The following EXOC8 variants were observed in gnomAD, a reference collection of about 807,000 sequenced individuals.
The protein encoded by EXOC8 is exocyst complex component 8, also known as exocyst complex 84 kDa subunit.
A neutral mutation model predicts 50.8 loss-of-function variants in EXOC8; 19 were observed. The ratio of observed to expected loss-of-function variants is 0.37; its 90% CI spans 0.26 to 0.55. EXOC8 has a LOEUF of 0.55. Ranked by LOEUF, EXOC8 falls within the 20% of genes least tolerant of loss-of-function variation. The pLI, the probability that EXOC8 is intolerant of heterozygous loss-of-function variation, is 0.80. For missense variants in EXOC8, 781 were observed against 915.8 expected (o/e 0.85, Z 1.90); for synonymous variants, 384 against 367.9 (o/e 1.04, Z -0.50).
At position 231,337,180 on chromosome 1, in the gene EXOC8, AG is replaced by A; in HGVS notation, c.565del (p.Leu189Ter). ...CATGTGGTCCGCATCGTATTCCACTAGGTCCCCATTGTACACCAAGTACTGT... is the reference window on the plus strand; with the variant it reads ...CATGTGGTCCGCATCGTATTCCACTAGTCCCCATTGTACACCAAGTACTGT... Reference protein sequence around the residue: ...PGQYLVYNGDLVEYDADHMAQ... With the variant: ...PGQYLVYNGDXVEYDADHMAQ... On this transcript the variant is annotated frameshift_variant, in exon 1 of 1. Transcript: ENST00000366645. LOFTEE classifies it high-confidence loss of function. This position sits in a 1 kb window ranked among gnomAD's most constrained non-coding sequence, Gnocchi z 5.9. 1 of 1,614,106 alleles carries A rather than the reference AG, an allele frequency of 6.2e-7. No homozygotes were observed. The highest frequency in any genetic ancestry group is 8.5e-7 in the Non-Finnish European group (1 of 1,180,032).
chr1:231,333,215 A>G lies in EXOC8; in HGVS notation c.*2353T>C, dbSNP rs570017627. On this transcript the variant is annotated 3_prime_UTR_variant, in exon 1 of 1. Transcript: ENST00000366645. ...TTGGGTCTAATAAAACAGAAGAATT[A>G]GAGAAGAAAGCCCATGCCACTTTGA... 6.6e-6 allele frequency: 1 copy of G among 152,370 alleles called. No homozygotes were observed. Among genetic ancestry groups the G allele is most frequent in the South Asian group, 2.1e-4 (1 of 4,834 alleles). The allele number at this position is 152,370 out of a possible 1,614,324, so 9.4% of individuals were successfully genotyped here.
In EXOC8 at chr1:231,333,107, G is replaced by T. The variant is rs1686598423; in HGVS notation, c.*2461C>A. The T allele has an allele frequency of 2.6e-5, 4 of 152,124 alleles. No individual in the cohort carries two copies. Among genetic ancestry groups the T allele is most frequent in the Admixed American group, 6.6e-5 (1 of 15,264 alleles). 9.4% of individuals were successfully genotyped at this position (152,124 alleles called of 1,614,324 possible). ...ATATTCTTGAAGCAAACAAGAAAAG[G>T]CAATCAATGCTTAAGTGGTATATTT... On this transcript the variant is annotated 3_prime_UTR_variant, in exon 1 of 1. Transcript: ENST00000366645.
At position 231,334,561 on chromosome 1, in the gene EXOC8, T is replaced by C. The variant is rs984960693; in HGVS notation, c.*1007A>G. The C allele has an allele frequency of 3.9e-5, 6 of 152,212 alleles. No homozygotes were observed. Among genetic ancestry groups the C allele is most frequent in the African/African-American group, 1.4e-4 (6 of 41,450 alleles). 9.4% of individuals were successfully genotyped at this position (152,212 alleles called of 1,614,324 possible). ...TTTAAAATGTGACAAAGACAAAAGC[T>C]ACAGCTGGAAACTCACACAATTTAG... On this transcript the variant is annotated 3_prime_UTR_variant, in exon 1 of 1. Transcript: ENST00000366645.
In EXOC8 at chr1:231,337,802, G is replaced by A; in HGVS notation, c.-57C>T. On this transcript the variant is annotated 5_prime_UTR_variant, in exon 1 of 1. Transcript: ENST00000366645. The surrounding 1 kb of genome is among the most constrained non-coding windows in gnomAD (Gnocchi z 5.9). Reference sequence around the variant, plus strand: ...TATCGGCGCCGCAGCCGCCGCGGCTGTCTAGACCCACCCAAGGCCAACCGA... The same window carrying A: ...TATCGGCGCCGCAGCCGCCGCGGCTATCTAGACCCACCCAAGGCCAACCGA... The A allele has an allele frequency of 1.3e-6, 2 of 1,528,872 alleles. No homozygotes were observed. The highest frequency in any genetic ancestry group is 1.8e-6 in the Non-Finnish European group (2 of 1,140,408). 94.7% of individuals were successfully genotyped at this position (1,528,872 alleles called of 1,614,324 possible). A position where few individuals can be genotyped will look rare whatever the true frequency, so the allele number is the denominator to read the frequency against.
chr1:231,336,332 T>C lies in EXOC8; in HGVS notation c.1414A>G (p.Arg472Gly), dbSNP rs1380804039. 5 of 1,613,940 alleles carry C rather than the reference T, an allele frequency of 3.1e-6. No homozygotes were observed. The highest frequency in any genetic ancestry group is 3.4e-6 in the Non-Finnish European group (4 of 1,180,000). ...CCTGCAAAATCGATCTCAAATTCTC[T>C]TGCAGTCTCGAGAAGGCTGGTAAAG... The part of the protein sequence containing the change: ...VFFTSLLETA[R>G]EFEIDFAGTD... The change falls in exon 1 of 1, where the codon AGA becomes GGA. Residue 472 changes from arginine (R) to glycine (G), a missense_variant. Around this residue, in one of 3 missense-constraint regions of EXOC8, gnomAD observed 700 missense variants for 804.1 expected, o/e 0.87. Transcript: ENST00000366645. This position sits in a 1 kb window ranked among gnomAD's most constrained non-coding sequence, Gnocchi z 5.4.
At position 231,335,137 on chromosome 1, in the gene EXOC8, G is replaced by A. The variant is rs993244325; in HGVS notation, c.*431C>T. ...TGCCTGTGGTTCCTGCTACATGGGA[G>A]GCTGAGGTGGGAGGACTACCTGGGC... On this transcript the variant is annotated 3_prime_UTR_variant, in exon 1 of 1. Transcript: ENST00000366645. 6.6e-6 allele frequency: 1 copy of A among 152,548 alleles called. No homozygotes were observed. Among genetic ancestry groups the A allele is most frequent in the Non-Finnish European group, 1.5e-5 (1 of 68,442 alleles). The allele number at this position is 152,548 out of a possible 1,614,324, so 9.4% of individuals were successfully genotyped here.
Position 231,336,939 on chromosome 1 carries a change from G to A in EXOC8, c.807C>T (p.Ile269=). Residue 269 remains isoleucine, a synonymous_variant, in exon 1 of 1, where the codon ATC becomes ATT. Coordinates refer to ENST00000366645, the MANE Select transcript of EXOC8 (RefSeq NM_175876.5). The surrounding 1 kb of genome is among the most constrained non-coding windows in gnomAD (Gnocchi z 5.4). ...SRIFQAENAK[I]KREWLEVLED... is the part of the protein sequence containing the mutation. Reference sequence around the variant, plus strand: ...CCAGCACTTCCAGCCACTCTCGTTTGATTTTAGCATTTTCGGCCTGGAAAA... The same window carrying A: ...CCAGCACTTCCAGCCACTCTCGTTTAATTTTAGCATTTTCGGCCTGGAAAA... The A allele has an allele frequency of 1.2e-6, 2 of 1,614,166 alleles. No homozygotes were observed. Among genetic ancestry groups the A allele is most frequent in the Non-Finnish European group, 1.7e-6 (2 of 1,180,034 alleles).
At position 231,337,044 on chromosome 1, in the gene EXOC8, A is replaced by T; in HGVS notation, c.702T>A (p.Asp234Glu). ...MYRYNALYSL[D>E]GLAVVNVKDN... ...CCTTGACATTGACTACGGCCAAACCATCTAGGGAATAGAGAGCGTTGTAGC... is the reference window on the plus strand; with the variant it reads ...CCTTGACATTGACTACGGCCAAACCTTCTAGGGAATAGAGAGCGTTGTAGC... Residue 234 changes from aspartate (D) to glutamate (E), a missense_variant, in exon 1 of 1, where the codon GAT becomes GAA. Physicochemically the swap from Asp to Glu is conservative, Grantham distance 45. This residue lies in a region of EXOC8 where 700 missense variants were observed against 804.1 expected (regional missense o/e 0.87). Coordinates refer to ENST00000366645, the MANE Select transcript of EXOC8 (RefSeq NM_175876.5). This position sits in a 1 kb window ranked among gnomAD's most constrained non-coding sequence, Gnocchi z 5.9. 7 of 1,614,064 alleles carry T rather than the reference A, an allele frequency of 4.3e-6. No individual in the cohort carries two copies. Among genetic ancestry groups the T allele is most frequent in the Non-Finnish European group, 5.9e-6 (7 of 1,180,028 alleles).
chr1:231,333,440 T>C lies in EXOC8; in HGVS notation c.*2128A>G, dbSNP rs1326443105. On this transcript the variant is annotated 3_prime_UTR_variant, in exon 1 of 1. Transcript: ENST00000366645. ...AGACAATTCTATGAAGAAGCAACCA[T>C]TTAAATATCTAACTATACACATTCA... 6.6e-6 allele frequency: 1 copy of C among 152,630 alleles called. No homozygotes were observed. The highest frequency in any genetic ancestry group is 2.4e-5 in the African/African-American group (1 of 41,458). The allele number at this position is 152,630 out of a possible 1,614,324, so 9.5% of individuals were successfully genotyped here.
rs1480657999 is a variant in EXOC8 at position 231,336,950 on chromosome 1, T to G, written c.796A>C (p.Asn266His). 2.5e-6 allele frequency: 4 copies of G among 1,614,044 alleles called. No homozygotes were observed. The highest frequency in any genetic ancestry group is 3.4e-6 in the Non-Finnish European group (4 of 1,180,040). Reference protein sequence around the residue: ...FPESRIFQAENAKIKREWLEV... With the variant: ...FPESRIFQAEHAKIKREWLEV... ...AGCCACTCTCGTTTGATTTTAGCAT[T>G]TTCGGCCTGGAAAATACGGCTCTCG... Residue 266 changes from asparagine to histidine, a missense_variant, in exon 1 of 1, where the codon AAT becomes CAT. Coordinates refer to ENST00000366645, the MANE Select transcript of EXOC8 (RefSeq NM_175876.5). The surrounding 1 kb of genome is among the most constrained non-coding windows in gnomAD (Gnocchi z 5.4).
rs952646009 is a variant in EXOC8 at position 231,333,055 on chromosome 1, T to C, written c.*2513A>G. 6.6e-6 allele frequency: 1 copy of C among 152,228 alleles called. No homozygotes were observed. Among genetic ancestry groups the C allele is most frequent in the African/African-American group, 2.4e-5 (1 of 41,462 alleles). The allele number at this position is 152,228 out of a possible 1,614,324, so 9.4% of individuals were successfully genotyped here. On this transcript the variant is annotated 3_prime_UTR_variant, in exon 1 of 1. Coordinates refer to ENST00000366645, the MANE Select transcript of EXOC8 (RefSeq NM_175876.5). Reference sequence around the variant, plus strand: ...AGAGTAATTAATTCAATCAAGCCCATGATTCCAAGCTCAAGTAACAAGTTT... The same window carrying C: ...AGAGTAATTAATTCAATCAAGCCCACGATTCCAAGCTCAAGTAACAAGTTT...
chr1:231,336,843 T>A lies in EXOC8; in HGVS notation c.903A>T (p.Pro301=). Residue 301 remains proline, a synonymous_variant, in exon 1 of 1, where the codon CCA becomes CCT. Coordinates refer to ENST00000366645, the MANE Select transcript of EXOC8 (RefSeq NM_175876.5). This position sits in a 1 kb window ranked among gnomAD's most constrained non-coding sequence, Gnocchi z 5.4. ...EQEEAAAPRG[P]PQVTSKATNP... is the part of the protein sequence containing the mutation. ...TAGTGGCCTTGGAAGTCACTTGGGG[T>A]GGCCCTCGAGGGGCCGCTGCCTCCT... 1 of 1,614,198 alleles carries A rather than the reference T, an allele frequency of 6.2e-7. No individual in the cohort carries two copies. The highest frequency in any genetic ancestry group is 8.5e-7 in the Non-Finnish European group (1 of 1,180,044).
In EXOC8 at chr1:231,334,710, A is replaced by T. The variant is rs1686627320; in HGVS notation, c.*858T>A. 6.6e-6 allele frequency: 1 copy of T among 152,258 alleles called. No individual in the cohort carries two copies. The highest frequency in any genetic ancestry group is 1.5e-5 in the Non-Finnish European group (1 of 68,050). 9.4% of individuals were successfully genotyped at this position (152,258 alleles called of 1,614,324 possible). ...TAGCCATTCAAATTATATTGGAAAT[A>T]TTTGCTGAATTGTTTTTATGAAAGC... On this transcript the variant is annotated 3_prime_UTR_variant, in exon 1 of 1. Transcript: ENST00000366645.
At position 231,334,619 on chromosome 1, in the gene EXOC8, G is replaced by C. The variant is rs923356275; in HGVS notation, c.*949C>G. 13 of 152,144 alleles carry C rather than the reference G, an allele frequency of 8.5e-5. No individual in the cohort carries two copies. Among genetic ancestry groups the C allele is most frequent in the African/African-American group, 3.1e-4 (13 of 41,418 alleles). 9.4% of individuals were successfully genotyped at this position (152,144 alleles called of 1,614,324 possible). A position where few individuals can be genotyped will look rare whatever the true frequency, so the allele number is the denominator to read the frequency against. On this transcript the variant is annotated 3_prime_UTR_variant, in exon 1 of 1. Transcript: ENST00000366645. The stretch of plus-strand genomic sequence containing the variant: ...TTGAAAACTTTTATTATAGTCCTTA[G>C]GATTTCCAAGTAAATGCTCCCAAAT...
chr1:231,336,527 C>A lies in EXOC8; in HGVS notation c.1219G>T (p.Gly407Cys), dbSNP rs778916391. The A allele has an allele frequency of 6.2e-7, 1 of 1,614,054 alleles. No individual in the cohort carries two copies. Among genetic ancestry groups the A allele is most frequent in the South Asian group, 1.1e-5 (1 of 91,068 alleles). ...ACTGCTCTGCGAGTAGCCTTCGGAC[C>A]ACCTCTCAGGGAACGATCTGGGGAG... ...ELSPDRSLRG[G>C]PKATRRAVSQ... Residue 407 changes from glycine to cysteine, a missense_variant, in exon 1 of 1, where the codon GGT (glycine) becomes TGT (cysteine). By Grantham distance (159) the Gly-to-Cys change is radical. Transcript: ENST00000366645. This position sits in a 1 kb window ranked among gnomAD's most constrained non-coding sequence, Gnocchi z 5.4.
At position 231,333,889 on chromosome 1, in the gene EXOC8, A is replaced by C. The variant is rs1686612791; in HGVS notation, c.*1679T>G. 6.6e-6 allele frequency: 1 copy of C among 152,244 alleles called. No individual in the cohort carries two copies. Among genetic ancestry groups the C allele is most frequent in the Non-Finnish European group, 1.5e-5 (1 of 68,040 alleles). The allele number at this position is 152,244 out of a possible 1,614,324, so 9.4% of individuals were successfully genotyped here. A position where few individuals can be genotyped will look rare whatever the true frequency, so the allele number is the denominator to read the frequency against. ...GGTTTCACATAATTTTCACAGTCTT[A>C]GTACCACCATTTTCATTCAGATAAA... On this transcript the variant is annotated 3_prime_UTR_variant, in exon 1 of 1. Coordinates refer to ENST00000366645, the MANE Select transcript of EXOC8 (RefSeq NM_175876.5).
Position 231,337,675 on chromosome 1 carries a change from G to T in EXOC8, c.71C>A (p.Ala24Glu). ...CGAGAGCTGCTTCACGTACAGCCGC[G>T]CCTCAAAACCCCCTGACTCCAGCTG... The part of the protein sequence containing the change: ...RRQLESGGFE[A>E]RLYVKQLSQQ... Residue 24 changes from alanine to glutamate, a missense_variant, in exon 1 of 1, where the codon GCG becomes GAG. Transcript: ENST00000366645. The surrounding 1 kb of genome is among the most constrained non-coding windows in gnomAD (Gnocchi z 5.9). 1 of 1,609,474 alleles carries T rather than the reference G, an allele frequency of 6.2e-7. No individual in the cohort carries two copies. The highest frequency in any genetic ancestry group is 8.5e-7 in the Non-Finnish European group (1 of 1,179,886).
chr1:231,337,513 G>A lies in EXOC8; in HGVS notation c.233C>T (p.Ser78Phe). The A allele has an allele frequency of 6.2e-7, 1 of 1,613,512 alleles. No homozygotes were observed. The highest frequency in any genetic ancestry group is 8.5e-7 in the Non-Finnish European group (1 of 1,179,948). The change falls in exon 1 of 1, where the codon TCC (serine) becomes TTC (phenylalanine). Residue 78 changes from serine to phenylalanine, a missense_variant. By Grantham distance (155) the Ser-to-Phe change is radical. Coordinates refer to ENST00000366645, the MANE Select transcript of EXOC8 (RefSeq NM_175876.5). The surrounding 1 kb of genome is among the most constrained non-coding windows in gnomAD (Gnocchi z 5.9). ...RQFIETAREISYLESEMYQLS... is the reference protein window; with the variant it reads ...RQFIETAREIFYLESEMYQLS... ...CTGGTACATCTCGCTCTCCAGGTAGGAGATCTCGCGGGCCGTCTCTATGAA... is the reference window on the plus strand; with the variant it reads ...CTGGTACATCTCGCTCTCCAGGTAGAAGATCTCGCGGGCCGTCTCTATGAA...
In EXOC8 at chr1:231,336,489, G is replaced by T; in HGVS notation, c.1257C>A (p.Ile419=). Residue 419 remains isoleucine, a synonymous_variant, in exon 1 of 1, where the codon ATC becomes ATA. Transcript: ENST00000366645. This position sits in a 1 kb window ranked among gnomAD's most constrained non-coding sequence, Gnocchi z 5.4. The part of the protein sequence containing the change: ...KATRRAVSQL[I]RLGQCTKACE... ...AGGCCTTCGTGCACTGGCCCAGCCGGATCAGTTGCGAAACTGCTCTGCGAG... is the reference window on the plus strand; with the variant it reads ...AGGCCTTCGTGCACTGGCCCAGCCGTATCAGTTGCGAAACTGCTCTGCGAG... 6.2e-7 allele frequency: 1 copy of T among 1,613,730 alleles called. No individual in the cohort carries two copies. The highest frequency in any genetic ancestry group is 8.5e-7 in the Non-Finnish European group (1 of 1,179,804).
Sources: allele counts gnomAD v4.1 joint callset, GRCh38; gene constraint gnomAD v4.1.1; regional missense constraint gnomAD v4.1.1; non-coding constraint Gnocchi (gnomAD v3.1); transcripts MANE v1.5; gene names NCBI Gene and HGNC (gene_info 2026-07-23, HGNC 2026-07-21).